The following ITPR2 variants were observed in gnomAD, a reference collection of about 807,000 sequenced individuals.
ITPR2 encodes the protein inositol 1,4,5-trisphosphate-gated calcium channel ITPR2.
ITPR2 carries 207 observed loss-of-function variants against 317.1 expected under a neutral mutation model. The observed-to-expected ratio is 0.65, with a 90% CI of 0.58 to 0.73. ITPR2 has a LOEUF of 0.73. ITPR2 is among the 30% of genes least tolerant of loss of function. The pLI is 0.00. For missense variants in ITPR2, 2,613 were observed against 3,284.0 expected (o/e 0.80, Z 4.99); for synonymous variants, 1,156 against 1,149.1 (o/e 1.01, Z -0.12).
chr12:26,554,752 T>C (rs1944619752), intron 36 of ITPR2, among the ~76,000 whole-genome samples: 1 of 152,174 alleles, frequency 6.6e-6, no homozygotes, highest in Admixed American at 6.5e-5. Flanking sequence ...GAAGGGTATT[T>C]ATCAAAGATC....
intron 9 of ITPR2, among the ~76,000 whole-genome samples, chr12:26,699,293 A>T (rs1422959764): frequency 6.6e-6 from 1 of 152,176 alleles, no homozygotes; most frequent in Non-Finnish European, 1.5e-5. Flanking sequence ...ACCTTCTACA[A>T]TCAGTCTTTA....
intron 10 of ITPR2, among the ~76,000 whole-genome samples, chr12:26,688,062 G>T (rs1418591352): frequency 6.6e-6 from 1 of 151,994 alleles, no homozygotes; most frequent in African/African-American, 2.4e-5. Context: ...TTAAGACAAG[G>T]TCTCACTCTG....
intron 31 of ITPR2, 120 bp from the exon 32 acceptor site, chr12:26,595,710 G>T: frequency 3.7e-6 from 3 of 808,060 alleles, no homozygotes; most frequent in Non-Finnish European, 5.6e-6. Flanking sequence ...GCATAGTTTT[G>T]TCTATCCAGA....
At chr12:26,746,385 A>G (rs528924460) in intron 2 of ITPR2, among the ~76,000 whole-genome samples, 1 of 152,332 alleles carries the variant, frequency 6.6e-6, no homozygotes, top group African/African-American at 2.4e-5. Context: ...TTGCTGCGGT[A>G]CTCAGGAAGC....
At chr12:26,667,086 G>A (rs759146563) in intron 13 of ITPR2, among the ~76,000 whole-genome samples, 2 of 152,162 alleles carry the variant, frequency 1.3e-5, no homozygotes, top group Non-Finnish European at 2.9e-5. Context: ...TATAGTGTTA[G>A]CATCTTTATT....
At chr12:26,672,138 C>G (rs1947789803) in intron 13 of ITPR2, among the ~76,000 whole-genome samples, 1 of 152,140 alleles carries the variant, frequency 6.6e-6, no homozygotes, top group African/African-American at 2.4e-5. Context: ...TTAGACAGAT[C>G]AATGACACAG....
chr12:26,498,836 T>C (rs187563542), intron 37 of ITPR2, among the ~76,000 whole-genome samples: 2 of 152,284 alleles, frequency 1.3e-5, no homozygotes, highest in East Asian at 3.9e-4. Context: ...TTATGTATTA[T>C]TATTTCTATT....
intron 55 of ITPR2, among the ~76,000 whole-genome samples, chr12:26,382,230 T>C (rs1939530608): frequency 6.6e-6 from 1 of 152,132 alleles, no homozygotes; most frequent in Non-Finnish European, 1.5e-5. Flanking sequence ...TAGCTCAAAA[T>C]ATCATTTATT....
rs1946486366 is a variant in ITPR2 at position 26,621,224 on chromosome 12, G to A, written c.3361C>T (p.Leu1121=). 2 of 1,613,812 alleles carry A rather than the reference G, an allele frequency of 1.2e-6. No individual in the cohort carries two copies. The highest frequency in any genetic ancestry group is 1.7e-6 in the Non-Finnish European group (2 of 1,179,804). Residue 1121 remains leucine, a synonymous_variant, in exon 26 of 57, where the codon CTG becomes TTG. Transcript: ENST00000381340. The part of the protein sequence containing the change: ...QIKADLDQLR[L]TVEKSELWVE... ...CATAGCTCAGACTTTTCTACTGTCA[G>A]TCGAAGCTGGTCTAGATCTGCCTTG...
At chr12:26,650,912 C>T (rs2344499) in intron 21 of ITPR2, among the ~76,000 whole-genome samples, 98,916 of 151,988 alleles carry the variant, frequency 0.65, 32,533 homozygotes, top group East Asian at 0.89. Flanking sequence ...TCATATGTTG[C>T]TCATAGATTT....
chr12:26,756,525 T>C (rs922572573), intron 2 of ITPR2, among the ~76,000 whole-genome samples: 2 of 152,224 alleles, frequency 1.3e-5, no homozygotes, highest in African/African-American at 4.8e-5. Flanking sequence ...TTTGTAGAAA[T>C]GCAGGACAAG....
chr12:26,398,810 C>A, intron 54 of ITPR2, 66 bp downstream of exon 54: 1 of 1,342,092 alleles, frequency 7.5e-7, no homozygotes, highest in South Asian at 1.4e-5. Flanking sequence ...AATAAAAATC[C>A]CTCTAGCCCC....
chr12:26,794,615 T>C (rs536517902), intron 1 of ITPR2, among the ~76,000 whole-genome samples: 1 of 152,326 alleles, frequency 6.6e-6, no homozygotes, highest in Non-Finnish European at 1.5e-5. Flanking sequence ...TATCTTCTAG[T>C]TTACAAGATA....
At chr12:26,659,434 A>G in intron 15 of ITPR2, 149 bp from the exon 16 acceptor site, 1 of 663,956 alleles carries the variant, frequency 1.5e-6, no homozygotes, top group Non-Finnish European at 2.5e-6. Flanking sequence ...TTTTCAATAA[A>G]TAGAGCTTTT....
At chr12:26,578,195 G>A (rs1010834710) in intron 34 of ITPR2, among the ~76,000 whole-genome samples, 6 of 136,812 alleles carry the variant, frequency 4.4e-5, no homozygotes, top group South Asian at 2.4e-4. Flanking sequence ...TCTCTCTCTC[G>A]ACACCCCACC....
intron 38 of ITPR2, 56 bp downstream of exon 38, chr12:26,495,096 G>A: frequency 3.3e-6 from 3 of 897,856 alleles, no homozygotes; most frequent in Non-Finnish European, 5.7e-6. Context: ...GAGTAACACT[G>A]ACATGAAGAT....
intron 55 of ITPR2, among the ~76,000 whole-genome samples, chr12:26,359,145 C>T (rs776152380): frequency 3.9e-5 from 6 of 152,180 alleles, no homozygotes; most frequent in Admixed American, 1.3e-4. Flanking sequence ...CAGTGTCAGG[C>T]GCATAGCAGG....
intron 54 of ITPR2, among the ~76,000 whole-genome samples, chr12:26,391,171 A>G (rs545903742): frequency 5.9e-5 from 9 of 152,340 alleles, no homozygotes; most frequent in African/African-American, 2.2e-4. Flanking sequence ...TGACAACTAT[A>G]AAGATGTCTA....
intron 9 of ITPR2, among the ~76,000 whole-genome samples, chr12:26,706,169 T>G (rs1468053763): frequency 6.6e-6 from 1 of 152,194 alleles, no homozygotes; most frequent in African/African-American, 2.4e-5. Flanking sequence ...TTGAGCAACT[T>G]GAAATGTGGC....
Sources: gnomAD v4.1 joint callset for allele counts (sites outside exome capture counted in the v4.1 genomes callset) on GRCh38, gnomAD v4.1.1 for gene constraint, MANE v1.5 for transcripts, NCBI Gene and HGNC (gene_info 2026-07-23, HGNC 2026-07-21) for gene names.